SLCO1B3: variants seen among roughly 807,000 people sequenced by gnomAD.
The protein encoded by SLCO1B3 is liver-specific organic anion transporter 2.
SLCO1B3 carries 72 observed loss-of-function variants against 71.8 expected under a neutral mutation model. The observed-to-expected ratio is 1.00, with a 90% CI of 0.83 to 1.22. The LOEUF (loss-of-function observed/expected upper bound fraction) is 1.22, where lower values mean the gene tolerates loss of function less well. Ranked by LOEUF, SLCO1B3 falls within the 50% of genes most tolerant of loss-of-function variation. The pLI, the probability that SLCO1B3 is intolerant of heterozygous loss-of-function variation, is 0.00. For missense variants in SLCO1B3, 911 were observed against 819.7 expected, an observed-to-expected ratio of 1.11 and a Z score of -1.36; for synonymous variants, 298 against 278.4, an observed-to-expected ratio of 1.07 and a Z score of -0.70.
chr12:20,907,916 T>C (rs1331339287), intron 15 of SLCO1B3, among the ~76,000 whole-genome samples: 2 of 152,186 alleles, frequency 1.3e-5, no homozygotes, highest in African/African-American at 4.8e-5. Flanking sequence ...TAATTCATTT[T>C]AAGGACAACT....
intron 3 of SLCO1B3, among the ~76,000 whole-genome samples, chr12:20,835,835 G>A (rs777763945): frequency 3.4e-4 from 51 of 152,232 alleles, no homozygotes; most frequent in Non-Finnish European, 6.5e-4. Flanking sequence ...TTCCAAAGCT[G>A]CTTCCCCATT....
intron 5 of SLCO1B3, among the ~76,000 whole-genome samples, chr12:20,860,667 C>A (rs1461977551): frequency 6.7e-6 from 1 of 150,086 alleles, no homozygotes; most frequent in East Asian, 2.0e-4. Context: ...GATTGACCAT[C>A]TTTGATGGTA....
At chr12:20,825,462 C>G (rs952935567) in intron 3 of SLCO1B3, among the ~76,000 whole-genome samples, 1 of 152,016 alleles carries the variant, frequency 6.6e-6, no homozygotes, top group African/African-American at 2.4e-5. Flanking sequence ...TTTAGCAGGA[C>G]TTGGTGTGCT....
chr12:20,874,156 G>T (rs985978915), intron 8 of SLCO1B3, among the ~76,000 whole-genome samples: 1 of 152,058 alleles, frequency 6.6e-6, no homozygotes, highest in African/African-American at 2.4e-5. Flanking sequence ...GGCATTTCTG[G>T]TTCTAGATCC....
chr12:20,830,105 A>G (rs1362733116), intron 3 of SLCO1B3, among the ~76,000 whole-genome samples: 1 of 152,112 alleles, frequency 6.6e-6, no homozygotes, highest in Non-Finnish European at 1.5e-5. Context: ...TCTATTCAAG[A>G]TGGAGTTGCT....
At chr12:20,888,413 A>G (rs565309618) in intron 13 of SLCO1B3, among the ~76,000 whole-genome samples, 1 of 151,426 alleles carries the variant, frequency 6.6e-6, no homozygotes, top group Non-Finnish European at 1.5e-5. Context: ...AGACTTTTTT[A>G]CCTCTTAGTT....
intron 3 of SLCO1B3, among the ~76,000 whole-genome samples, chr12:20,820,386 C>T (rs1315436729): frequency 6.6e-6 from 1 of 152,120 alleles, no homozygotes; most frequent in Non-Finnish European, 1.5e-5. Flanking sequence ...TGGGGTCCCA[C>T]ACAGATGGGA....
At chr12:20,847,968 AAAT>A (rs902201893) in intron 3 of SLCO1B3, among the ~76,000 whole-genome samples, 1 of 152,018 alleles carries the variant, frequency 6.6e-6, no homozygotes, top group African/African-American at 2.4e-5. Flanking sequence ...TTAAAAGTCA[AAAT>A]AATAATAATA....
intron 15 of SLCO1B3, among the ~76,000 whole-genome samples, chr12:20,904,022 G>A (rs1565608507): frequency 2.0e-5 from 3 of 151,942 alleles, no homozygotes; most frequent in Admixed American, 2.0e-4. Context: ...GGTGGATCAC[G>A]AGGTCAGGAG....
At chr12:20,831,217 C>T (rs1565580902) in intron 3 of SLCO1B3, among the ~76,000 whole-genome samples, 1 of 151,834 alleles carries the variant, frequency 6.6e-6, no homozygotes, top group Admixed American at 6.6e-5. Context: ...ATTATCCGGG[C>T]GTGGTGGCAC....
Position 20,861,189 on chromosome 12 carries a change from C to T in SLCO1B3, c.481+51C>T, listed in dbSNP as rs542884095. 17 of 1,469,830 alleles carry T rather than the reference C, an allele frequency of 1.2e-5. No homozygotes were observed. In the South Asian group the frequency reaches 1.9e-4, roughly 16 times the overall value. The allele number at this position is 1,469,830 out of a possible 1,614,324, so 91.0% of individuals were successfully genotyped here. On this transcript the variant is annotated intron_variant, in intron 6 of 15. Coordinates refer to ENST00000381545, the MANE Select transcript of SLCO1B3 (RefSeq NM_019844.4). ...CAAATTCTAGATTGATAGATTTAATCACGTCTATAAAGTTTCTGATATTCT... is the reference window on the plus strand; with the variant it reads ...CAAATTCTAGATTGATAGATTTAATTACGTCTATAAAGTTTCTGATATTCT...
At chr12:20,911,363 T>A (rs1168017868) in intron 15 of SLCO1B3, among the ~76,000 whole-genome samples, 1 of 152,174 alleles carries the variant, frequency 6.6e-6, no homozygotes, top group African/African-American at 2.4e-5. Flanking sequence ...TTTTGAGAAC[T>A]TCTGCACCTG....
chr12:20,874,622 A>G (rs1865542269), intron 8 of SLCO1B3, among the ~76,000 whole-genome samples: 1 of 152,210 alleles, frequency 6.6e-6, no homozygotes, highest in African/African-American at 2.4e-5. Context: ...TAAGGGAAAT[A>G]TAGTTGAAAT....
At position 20,817,628 on chromosome 12, in the gene SLCO1B3, C is replaced by A. The variant is rs550288685; in HGVS notation, c.84+1806C>A. Among the ~76,000 whole-genome samples, 30 of 152,184 alleles carry A rather than the reference C, an allele frequency of 2.0e-4. No homozygotes were observed. In the South Asian group the frequency reaches 6.0e-3, roughly 31 times the overall value. Reference sequence around the variant, plus strand: ...TTTGAGATGGAGTCTCGCTCTGTCACCCAGGCTGGAGTGCAGTGGCATGAT... The same window carrying A: ...TTTGAGATGGAGTCTCGCTCTGTCAACCAGGCTGGAGTGCAGTGGCATGAT... On this transcript the variant is annotated intron_variant, in intron 3 of 15. Coordinates refer to ENST00000381545, the MANE Select transcript of SLCO1B3 (RefSeq NM_019844.4).
In SLCO1B3 at chr12:20,861,141, A is replaced by T. The variant is rs199631489; in HGVS notation, c.481+3A>T. ...ATCACCTGAGATAGTAGAAAAAGGT[A>T]AGAATTAATAGTGACAGTAAAACAA... On this transcript the variant is annotated splice_donor_region_variant and intron_variant, in intron 6 of 15. Coordinates refer to ENST00000381545, the MANE Select transcript of SLCO1B3 (RefSeq NM_019844.4). 4.4e-6 allele frequency: 7 copies of T among 1,577,452 alleles called. No individual in the cohort carries two copies. The African/African-American group carries it at 9.6e-5, about 22-fold the overall frequency.
chr12:20,811,061 G>A (rs1228511261), intron 1 of SLCO1B3, among the ~76,000 whole-genome samples: 4 of 152,096 alleles, frequency 2.6e-5, no homozygotes, highest in Non-Finnish European at 4.4e-5. Flanking sequence ...AAGTCTGAAA[G>A]GATGGACTTC....
At chr12:20,854,169 G>A (rs1387040292) in intron 3 of SLCO1B3, among the ~76,000 whole-genome samples, 1 of 152,078 alleles carries the variant, frequency 6.6e-6, no homozygotes, top group Non-Finnish European at 1.5e-5. Context: ...GAGAAAAGAT[G>A]TATTCTGTTG....
chr12:20,870,773 T>G (rs1394466801), intron 8 of SLCO1B3, among the ~76,000 whole-genome samples: 1 of 152,210 alleles, frequency 6.6e-6, no homozygotes, highest in African/African-American at 2.4e-5. Flanking sequence ...ACCTTTGTTC[T>G]TTCTCAAGGT....
At chr12:20,909,376 T>C (rs1161099929) in intron 15 of SLCO1B3, among the ~76,000 whole-genome samples, 4 of 149,564 alleles carry the variant, frequency 2.7e-5, no homozygotes, top group Admixed American at 6.7e-5. Flanking sequence ...GGTTTCGCCA[T>C]GTTAGCCAGG....
Sources: allele counts gnomAD v4.1 joint callset (sites outside exome capture counted in the v4.1 genomes callset), GRCh38; gene constraint gnomAD v4.1.1; transcripts MANE v1.5; gene names NCBI Gene and HGNC (gene_info 2026-07-23, HGNC 2026-07-21).